AGMO: variants seen among roughly 807,000 people sequenced by gnomAD.
The protein encoded by AGMO is alkylglycerol monooxygenase, also known as glyceryl-ether monooxygenase.
In AGMO, 75 loss-of-function variants were observed where a neutral mutation model predicts 60.2. The observed-to-expected ratio is 1.25, with a 90% CI of 1.03 to 1.51. AGMO has a LOEUF of 1.51. Among genes scored for constraint, AGMO ranks in the 40% most tolerant of loss-of-function variants. The pLI, the probability that AGMO is intolerant of heterozygous loss-of-function variation, is 0.00. For synonymous variants in AGMO, 261 were observed against 177.1 expected, an observed-to-expected ratio of 1.47 and a Z score of -3.76; for missense variants, 763 against 525.5, an observed-to-expected ratio of 1.45 and a Z score of -4.42.
At chr7:15,493,255 CAT>C (rs768058958) in intron 3 of AGMO, among the ~76,000 whole-genome samples, 28 of 147,494 alleles carry the variant, frequency 1.9e-4, no homozygotes, top group Non-Finnish European at 1.0e-4. Context: ...GCGTTTTGTC[CAT>C]ATGTTTTGTT....
At chr7:15,557,404 C>T (rs140886390) in intron 2 of AGMO, among the ~76,000 whole-genome samples, 218 of 152,064 alleles carry the variant, frequency 1.4e-3, no homozygotes, top group African/African-American at 4.8e-3. Flanking sequence ...GGAGAGGATC[C>T]GATCATTGCC....
intron 12 of AGMO, among the ~76,000 whole-genome samples, chr7:15,232,945 T>C (rs1348062820): frequency 7.2e-5 from 11 of 151,880 alleles, no homozygotes; most frequent in Admixed American, 7.2e-4. Context: ...ATGAAGAAGT[T>C]CTAAGAGAAA....
chr7:15,137,511 G>A, the AGMO span, among the ~76,000 whole-genome samples: 74,833 of 152,000 alleles, frequency 0.49, 18,679 homozygotes, highest in East Asian at 0.67. Context: ...AAAGTTTTAG[G>A]GGAAGGAGGG....
rs1784098087 is a variant in AGMO, at chr7:15,390,610, C to T, written c.822+61G>A. The T allele has an allele frequency of 3.8e-6, 5 of 1,321,088 alleles. No homozygotes were observed. In the Admixed American group the frequency reaches 6.7e-5, roughly 18 times the overall value. 81.8% of individuals were successfully genotyped at this position (1,321,088 alleles called of 1,614,324 possible). On this transcript the variant is annotated intron_variant, in intron 8 of 12. Transcript: ENST00000342526. ...TCACTTTTCTACAGCTGATTTTTCT[C>T]TTAACTATAAGATTTATGAAATGAT...
intron 3 of AGMO, among the ~76,000 whole-genome samples, chr7:15,515,740 T>C (rs1355374989): frequency 6.6e-6 from 1 of 152,226 alleles, no homozygotes; most frequent in Non-Finnish European, 1.5e-5. Flanking sequence ...GAAATATATT[T>C]CAAAAAGCAC....
chr7:15,461,613 C>G (rs1220486731), intron 3 of AGMO, among the ~76,000 whole-genome samples: 1 of 152,028 alleles, frequency 6.6e-6, no homozygotes, highest in Non-Finnish European at 1.5e-5. Context: ...TGCAGAGACA[C>G]CCGATCTGCT....
chr7:15,383,718 T>C (rs1783791576), intron 10 of AGMO, among the ~76,000 whole-genome samples: 1 of 152,180 alleles, frequency 6.6e-6, no homozygotes, highest in Non-Finnish European at 1.5e-5. Context: ...CTATCAATAA[T>C]ACACATTGTT....
At chr7:15,169,448 T>C in the AGMO span, among the ~76,000 whole-genome samples, 2 of 152,266 alleles carry the variant, frequency 1.3e-5, no homozygotes, top group African/African-American at 4.8e-5. Flanking sequence ...TTTCTTTCTT[T>C]TTTTTTGAGA....
At chr7:15,297,280 G>C (rs1583376841) in intron 12 of AGMO, among the ~76,000 whole-genome samples, 3 of 152,138 alleles carry the variant, frequency 2.0e-5, no homozygotes, top group Admixed American at 2.0e-4. Context: ...ATGTAGAGCA[G>C]TGAAAATGGA....
At chr7:15,493,367 T>TC in intron 3 of AGMO, among the ~76,000 whole-genome samples, 1 of 11,480 alleles carries the variant, frequency 8.7e-5, no homozygotes, top group East Asian at 0.013. Context: ...ACACACTTCT[T>TC]TTTTTTTTTT....
chr7:15,416,560 A>T (rs1195095154), intron 5 of AGMO, among the ~76,000 whole-genome samples: 1 of 152,140 alleles, frequency 6.6e-6, no homozygotes, highest in Non-Finnish European at 1.5e-5. Flanking sequence ...TTAGAGTGAG[A>T]ACTGATTTTT....
the AGMO span, among the ~76,000 whole-genome samples, chr7:15,174,360 A>G: frequency 1.3e-5 from 2 of 152,108 alleles, no homozygotes; most frequent in Non-Finnish European, 2.9e-5. Flanking sequence ...TTTGATCTGC[A>G]TGTACTATTT....
the AGMO span, among the ~76,000 whole-genome samples, chr7:15,193,060 A>G: frequency 2.6e-5 from 4 of 152,154 alleles, no homozygotes; most frequent in Non-Finnish European, 5.9e-5. Flanking sequence ...TGGTGTTATT[A>G]TTTTGAATTT....
intron 3 of AGMO, among the ~76,000 whole-genome samples, chr7:15,502,502 GC>G (rs2128525836): frequency 6.6e-6 from 1 of 152,066 alleles, no homozygotes; most frequent in East Asian, 1.9e-4. Flanking sequence ...CCAGAGAGTC[GC>G]TGATGGTTTT....
chr7:15,299,281 G>C (rs1204876226), intron 12 of AGMO, among the ~76,000 whole-genome samples: 2 of 152,098 alleles, frequency 1.3e-5, no homozygotes, highest in Admixed American at 6.6e-5. Flanking sequence ...TGAAAGTAAA[G>C]TACATTGCCC....
chr7:15,402,774 G>C lies in AGMO; in HGVS notation c.610-8595C>G, dbSNP rs999750586. 2.0e-5 allele frequency among the ~76,000 whole-genome samples: 3 copies of C among 151,048 alleles called. No homozygotes were observed. The East Asian group carries it at 5.8e-4, about 29-fold the overall frequency. On this transcript the variant is annotated intron_variant, in intron 5 of 12. Coordinates refer to ENST00000342526, the MANE Select transcript of AGMO (RefSeq NM_001004320.2). ...TCAACACTAGCAATAATCTATTTCA[G>C]AGCGTTAAAACCTGTATTTATAAAT...
chr7:15,184,503 AT>A, the AGMO span, among the ~76,000 whole-genome samples: 1 of 127,274 alleles, frequency 7.9e-6, no homozygotes, highest in Non-Finnish European at 1.7e-5. Flanking sequence ...GAAGGAAGGA[AT>A]AGAAGGAAGG....
chr7:15,299,830 TACACACACACACACAC>T (rs756832586), intron 12 of AGMO, among the ~76,000 whole-genome samples: 396 of 48,188 alleles, frequency 8.2e-3, no homozygotes, highest in Middle Eastern at 0.017. Context: ...TCTGTCTACA[TACACACACACACACAC>T]ACACACACAC....
chr7:15,533,842 C>T (rs535416177), intron 3 of AGMO, among the ~76,000 whole-genome samples: 2 of 152,008 alleles, frequency 1.3e-5, no homozygotes, highest in Non-Finnish European at 2.9e-5. Context: ...ACATAGAAAA[C>T]GTGTCTTCTT....
Sources: gnomAD v4.1 joint callset for allele counts (sites outside exome capture counted in the v4.1 genomes callset) on GRCh38, gnomAD v4.1.1 for gene constraint, MANE v1.5 for transcripts, NCBI Gene and HGNC (gene_info 2026-07-23, HGNC 2026-07-21) for gene names.